The following FAM81A variants were observed in gnomAD, a reference collection of about 807,000 sequenced individuals.
The protein encoded by FAM81A is protein FAM81A.
A neutral mutation model predicts 46.7 loss-of-function variants in FAM81A; 19 were observed. The ratio of observed to expected loss-of-function variants is 0.41; its 90% CI spans 0.28 to 0.60. The LOEUF (loss-of-function observed/expected upper bound fraction) is 0.60. Among genes scored for constraint, FAM81A ranks in the 20% least tolerant of loss-of-function variants. FAM81A has a pLI of 0.34. For synonymous variants in FAM81A, 183 were observed against 152.9 expected, an observed-to-expected ratio of 1.20 and a Z score of -1.45; for missense variants, 377 against 453.5, an observed-to-expected ratio of 0.83 and a Z score of 1.53.
intron 4 of FAM81A, among the ~76,000 whole-genome samples, chr15:59,497,948 T>C (rs972936820): frequency 6.6e-6 from 1 of 152,210 alleles, no homozygotes; most frequent in African/African-American, 2.4e-5. Context: ...GTTTGAACTC[T>C]TGGGCTCAAG....
chr15:59,410,748 T>A (rs1214405444), intron 2 of FAM81A, among the ~76,000 whole-genome samples: 4 of 152,230 alleles, frequency 2.6e-5, no homozygotes, highest in African/African-American at 9.6e-5. Context: ...TCTTTACTTT[T>A]CTTTGAGACA....
chr15:59,502,781 A>G (rs1271006058), intron 4 of FAM81A, among the ~76,000 whole-genome samples: 1 of 151,720 alleles, frequency 6.6e-6, no homozygotes, highest in African/African-American at 2.4e-5. Flanking sequence ...CTCGCCTTCC[A>G]AAGTGCTGGG....
rs114554043 is a variant in FAM81A at position 59,521,712 on chromosome 15, T to C, written c.*334T>C. On this transcript the variant is annotated 3_prime_UTR_variant, in exon 9 of 9. Transcript: ENST00000288228. ...GCTTGATGCACTAATGAAGACTGTT[T>C]ACTATTTTGAAAAATGTCATGGGGA... 3.9e-3 allele frequency: 697 copies of C among 177,166 alleles called. 5 individuals are homozygous for C. The highest frequency in any genetic ancestry group is 0.015 in the African/African-American group (648 of 42,658). 11.0% of individuals were successfully genotyped at this position (177,166 alleles called of 1,614,324 possible).
chr15:59,480,538 C>G (rs2081836926), intron 3 of FAM81A, among the ~76,000 whole-genome samples: 1 of 152,066 alleles, frequency 6.6e-6, no homozygotes, highest in Admixed American at 6.6e-5. Context: ...CTTGGGACAT[C>G]ACTTTTTCAA....
intron 2 of FAM81A, among the ~76,000 whole-genome samples, chr15:59,427,956 T>C (rs1289510164): frequency 6.6e-6 from 1 of 152,244 alleles, no homozygotes; most frequent in Non-Finnish European, 1.5e-5. Flanking sequence ...GATAGCTCTA[T>C]TTTTAGATTT....
chr15:59,455,147 T>A lies in FAM81A; in HGVS notation c.-77-3403T>A, dbSNP rs540199087. Among the ~76,000 whole-genome samples the A allele has an allele frequency of 1.0e-3, 158 of 151,974 alleles. 2 individuals are homozygous for A. The highest frequency in any genetic ancestry group is 3.1e-3 in the African/African-American group (130 of 41,428). ...AACTCCTGAGCTCAAGCCATCCACTTACCTCAACCTCCCAAAGTGCTGAGA... is the reference window on the plus strand; with the variant it reads ...AACTCCTGAGCTCAAGCCATCCACTAACCTCAACCTCCCAAAGTGCTGAGA... On this transcript the variant is annotated intron_variant, in intron 1 of 8. Transcript: ENST00000288228.
At chr15:59,442,170 T>C (rs1292507789) in intron 1 of FAM81A, among the ~76,000 whole-genome samples, 1 of 152,178 alleles carries the variant, frequency 6.6e-6, no homozygotes, top group Non-Finnish European at 1.5e-5. Flanking sequence ...CAAATCTATA[T>C]TTTGGGCCCT....
At chr15:59,463,063 G>A (rs2081571646) in intron 3 of FAM81A, among the ~76,000 whole-genome samples, 1 of 151,842 alleles carries the variant, frequency 6.6e-6, no homozygotes, top group Admixed American at 6.6e-5. Flanking sequence ...TATTCTTTTT[G>A]TGTTGCATCT....
At chr15:59,503,882 G>T (rs1216540597) in intron 4 of FAM81A, among the ~76,000 whole-genome samples, 2 of 152,108 alleles carry the variant, frequency 1.3e-5, no homozygotes, top group Non-Finnish European at 2.9e-5. Context: ...CCTAGCCACT[G>T]TTGTATTAAT....
At chr15:59,447,371 C>T (rs1239375200) in intron 1 of FAM81A, among the ~76,000 whole-genome samples, 1 of 152,222 alleles carries the variant, frequency 6.6e-6, no homozygotes, top group Non-Finnish European at 1.5e-5. Flanking sequence ...AGATCGGCCT[C>T]ACAACCATAA....
At chr15:59,494,239 A>G (rs1184795607) in intron 4 of FAM81A, among the ~76,000 whole-genome samples, 1 of 152,236 alleles carries the variant, frequency 6.6e-6, no homozygotes, top group African/African-American at 2.4e-5. Context: ...CAGCTCTGTG[A>G]TACCTCTCAG....
Position 59,460,069 on chromosome 15 carries a change from C to G in FAM81A, c.157C>G (p.Arg53Gly). 6.2e-7 allele frequency: 1 copy of G among 1,613,876 alleles called. No homozygotes were observed. The highest frequency in any genetic ancestry group is 8.5e-7 in the Non-Finnish European group (1 of 1,179,896). ...TTAALVEHAFRIKDDIVNSLQ... is the reference protein window; with the variant it reads ...TTAALVEHAFGIKDDIVNSLQ... ...CGCCGCCCTCGTAGAGCACGCCTTT[C>G]GGATTAAAGATGACATTGTCAACAG... is the stretch of plus-strand genomic sequence containing the variant. The change falls in exon 3 of 9, where the codon CGG becomes GGG. Residue 53 changes from arginine (R) to glycine (G), a missense_variant. Physicochemically the swap from Arg to Gly is moderately radical, Grantham distance 125. Coordinates refer to ENST00000288228, the MANE Select transcript of FAM81A (RefSeq NM_152450.3). The surrounding 1 kb of genome is among the most constrained non-coding windows in gnomAD (Gnocchi z 4.4).
intron 1 of FAM81A, chr15:59,439,111 C>CGT (rs1217049260): frequency 6.2e-5 from 9 of 146,118 alleles, no homozygotes; most frequent in African/African-American, 2.2e-4. Context: ...TGTGTGTGCG[C>CGT]GCGTGTGTGT....
At chr15:59,474,557 T>C (rs8025871) in intron 3 of FAM81A, among the ~76,000 whole-genome samples, 122,165 of 152,132 alleles carry the variant, frequency 0.8, 49,550 homozygotes, top group African/African-American at 0.92. Context: ...AATCACCTCC[T>C]GAAATACCAC....
At chr15:59,401,544 C>T (rs899917884) in intron 1 of FAM81A, 4 of 759,276 alleles carry the variant, frequency 5.3e-6, no homozygotes, top group African/African-American at 3.5e-5. Flanking sequence ...ACAAAGCAGA[C>T]ATTAGTAACC....
chr15:59,454,652 G>A (rs1243343059), intron 1 of FAM81A, among the ~76,000 whole-genome samples: 1 of 151,876 alleles, frequency 6.6e-6, no homozygotes, highest in African/African-American at 2.4e-5. Context: ...TTGAGACAGG[G>A]TCTTACTCTG....
At chr15:59,514,472 G>A (rs759000591) in intron 7 of FAM81A, 48 bp downstream of exon 7, 6 of 1,577,210 alleles carry the variant, frequency 3.8e-6, no homozygotes, top group South Asian at 3.5e-5. Context: ...TTCAGTGGGG[G>A]CCTACACTGT....
chr15:59,500,070 C>T (rs1459029304), intron 4 of FAM81A, among the ~76,000 whole-genome samples: 1 of 151,984 alleles, frequency 6.6e-6, no homozygotes, highest in Non-Finnish European at 1.5e-5. Flanking sequence ...CCAGGCTGGT[C>T]TCAAACTCCT....
chr15:59,518,813 A>C (rs1420070615), intron 8 of FAM81A, among the ~76,000 whole-genome samples: 1 of 152,084 alleles, frequency 6.6e-6, no homozygotes. Flanking sequence ...TAAATAAAAA[A>C]AATTGTTGTG....
Sources: allele counts gnomAD v4.1 joint callset (sites outside exome capture counted in the v4.1 genomes callset), GRCh38; gene constraint gnomAD v4.1.1; non-coding constraint Gnocchi (gnomAD v3.1); transcripts MANE v1.5; gene names NCBI Gene and HGNC (gene_info 2026-07-23, HGNC 2026-07-21).